The following PRKG1 variants were observed in gnomAD, a reference collection of about 807,000 sequenced individuals.
PRKG1 encodes cGMP-dependent protein kinase 1.
In PRKG1, 35 loss-of-function variants were observed where a neutral mutation model predicts 88.1. The observed-to-expected ratio is 0.40, with a 90% CI of 0.30 to 0.53. PRKG1 has a LOEUF of 0.53. Ranked by LOEUF, PRKG1 falls within the 20% of genes least tolerant of loss-of-function variation. PRKG1 has a pLI of 0.59. For missense variants in PRKG1, 540 were observed against 839.8 expected, an observed-to-expected ratio of 0.64 and a Z score of 4.41; for synonymous variants, 303 against 292.5, an observed-to-expected ratio of 1.04 and a Z score of -0.37.
At chr10:51,274,619 A>G (rs1840066754) in intron 2 of PRKG1, among the ~76,000 whole-genome samples, 1 of 152,190 alleles carries the variant, frequency 6.6e-6, no homozygotes, top group Non-Finnish European at 1.5e-5. Context: ...ATAGAAAGTT[A>G]TTGATCGATC....
At chr10:51,680,383 T>C (rs1033502633) in intron 3 of PRKG1, among the ~76,000 whole-genome samples, 2 of 152,268 alleles carry the variant, frequency 1.3e-5, no homozygotes, top group African/African-American at 4.8e-5. Context: ...GGTGCTTTCT[T>C]GCTTTAATAA....
chr10:52,229,510 C>G (rs538641469), intron 9 of PRKG1, among the ~76,000 whole-genome samples: 1 of 152,282 alleles, frequency 6.6e-6, no homozygotes, highest in Admixed American at 6.5e-5. Context: ...GGTCTATCTA[C>G]AGGATGGAGT....
chr10:52,210,246 T>G (rs979100868), intron 9 of PRKG1, among the ~76,000 whole-genome samples: 1 of 151,978 alleles, frequency 6.6e-6, no homozygotes, highest in Non-Finnish European at 1.5e-5. Context: ...CTCTTAGGTC[T>G]TGCAGAAGCT....
At chr10:51,556,876 A>G (rs1837326111) in intron 3 of PRKG1, among the ~76,000 whole-genome samples, 1 of 152,046 alleles carries the variant, frequency 6.6e-6, no homozygotes, top group Non-Finnish European at 1.5e-5. Flanking sequence ...ATCTATAATA[A>G]ATGTTGAAAT....
At chr10:52,016,173 A>G (rs1845034963) in intron 5 of PRKG1, among the ~76,000 whole-genome samples, 1 of 152,218 alleles carries the variant, frequency 6.6e-6, no homozygotes, top group African/African-American at 2.4e-5. Context: ...TCACATTGCT[A>G]TAAGGATACT....
Position 51,926,675 on chromosome 10 carries a change from G to C in PRKG1, c.762+19105G>C, listed in dbSNP as rs184365643. ...AAAGCATGAGGAAAGCATTCCTCCTGTCCTGCCTGCTTGTAGACATATCAG... is the reference window on the plus strand; with the variant it reads ...AAAGCATGAGGAAAGCATTCCTCCTCTCCTGCCTGCTTGTAGACATATCAG... On this transcript the variant is annotated intron_variant, in intron 5 of 17. Coordinates refer to ENST00000373980, the MANE Select transcript of PRKG1 (RefSeq NM_006258.4). 2.1e-3 allele frequency among the ~76,000 whole-genome samples: 316 copies of C among 151,404 alleles called. 3 individuals carry two copies. Among genetic ancestry groups the C allele is most frequent in the Non-Finnish European group, 5.2e-4 (35 of 67,946 alleles).
chr10:52,271,475 C>T lies in PRKG1; in HGVS notation c.1299C>T (p.Ser433=), dbSNP rs145035655. The T allele has an allele frequency of 2.3e-4, 367 of 1,612,354 alleles. No homozygotes were observed. In the African/African-American group the frequency reaches 4.4e-3, roughly 19 times the overall value. ...SEKQIMQGAH[S]DFIVRLYRTF... is the part of the protein sequence containing the mutation. ...AGCAGATCATGCAGGGGGCTCATTC[C>T]GATTTCATAGTGAGGTAAAGGCTCC... Residue 433 remains serine, a synonymous_variant, in exon 11 of 18, where the codon TCC becomes TCT. Coordinates refer to ENST00000373980, the MANE Select transcript of PRKG1 (RefSeq NM_006258.4).
At chr10:52,114,979 A>G (rs1011623500) in intron 7 of PRKG1, among the ~76,000 whole-genome samples, 4 of 152,104 alleles carry the variant, frequency 2.6e-5, no homozygotes, top group Non-Finnish European at 5.9e-5. Context: ...ATATCTGTCC[A>G]TTACTGTCAC....
intron 5 of PRKG1, among the ~76,000 whole-genome samples, chr10:52,030,152 T>C (rs531380684): frequency 5.3e-5 from 8 of 152,312 alleles, no homozygotes; most frequent in African/African-American, 1.7e-4. Flanking sequence ...AAGTCTCAAG[T>C]CCTACCATTT....
At chr10:51,459,946 T>C (rs1488987050) in intron 2 of PRKG1, among the ~76,000 whole-genome samples, 1 of 152,186 alleles carries the variant, frequency 6.6e-6, no homozygotes, top group Non-Finnish European at 1.5e-5. Flanking sequence ...GAAGTTAATA[T>C]GATAAATAGT....
At chr10:52,037,147 A>G (rs1418476793) in intron 5 of PRKG1, among the ~76,000 whole-genome samples, 1 of 152,206 alleles carries the variant, frequency 6.6e-6, no homozygotes, top group Non-Finnish European at 1.5e-5. Flanking sequence ...GTGGGGTCCC[A>G]CACAGATGGG....
At chr10:51,516,985 TTCTC>T (rs1047877647) in intron 3 of PRKG1, among the ~76,000 whole-genome samples, 5 of 152,170 alleles carry the variant, frequency 3.3e-5, no homozygotes, top group Admixed American at 2.6e-4. Context: ...ATCACAAAAA[TTCTC>T]TCTGAGGAGA....
intron 3 of PRKG1, among the ~76,000 whole-genome samples, chr10:51,715,869 T>G (rs539169899): frequency 6.6e-6 from 1 of 152,346 alleles, no homozygotes; most frequent in South Asian, 2.1e-4. Context: ...TTTTTATATG[T>G]GATTGTGTGA....
intron 2 of PRKG1, among the ~76,000 whole-genome samples, chr10:51,272,028 C>T (rs1471796977): frequency 2.0e-5 from 3 of 152,170 alleles, no homozygotes; most frequent in East Asian, 1.9e-4. Context: ...ATTTACACTC[C>T]CACGAACAGT....
At chr10:51,428,043 AG>A (rs1838642155) in intron 2 of PRKG1, among the ~76,000 whole-genome samples, 1 of 152,210 alleles carries the variant, frequency 6.6e-6, no homozygotes, top group Non-Finnish European at 1.5e-5. Flanking sequence ...AGAGAAGCTA[AG>A]GGCACATGGC....
intron 9 of PRKG1, chr10:52,242,218 TC>T (rs1840882696): frequency 6.6e-6 from 1 of 152,116 alleles, no homozygotes; most frequent in Admixed American, 6.5e-5. Flanking sequence ...GCCATAATAG[TC>T]ACCAACTCTG....
At chr10:51,756,551 C>T (rs368846209) in intron 3 of PRKG1, among the ~76,000 whole-genome samples, 1 of 150,644 alleles carries the variant, frequency 6.6e-6, no homozygotes, top group Non-Finnish European at 1.5e-5. Context: ...CACGGTGGCT[C>T]ATGCCTGTAA....
At chr10:52,120,736 C>T (rs570037830) in intron 7 of PRKG1, among the ~76,000 whole-genome samples, 12 of 152,278 alleles carry the variant, frequency 7.9e-5, no homozygotes, top group Admixed American at 6.5e-4. Flanking sequence ...GCCCCTGTGT[C>T]TTTGCTGGCT....
In PRKG1 at chr10:51,444,044, GA is replaced by G. The variant is rs369111684; in HGVS notation, c.479-23671del. 4.2e-3 allele frequency among the ~76,000 whole-genome samples: 638 copies of G among 150,550 alleles called. 5 individuals carry two copies. Among genetic ancestry groups the G allele is most frequent in the African/African-American group, 0.014 (574 of 41,100 alleles). ...AGGTGAACACAAAGTGTCTTTAGGG[GA>G]AAAAAAATGCTTTCTTACATAAAGA... On this transcript the variant is annotated intron_variant, in intron 2 of 17. Coordinates refer to ENST00000373980, the MANE Select transcript of PRKG1 (RefSeq NM_006258.4).
Sources: gnomAD v4.1 joint callset for allele counts (sites outside exome capture counted in the v4.1 genomes callset) on GRCh38, gnomAD v4.1.1 for gene constraint, MANE v1.5 for transcripts, NCBI Gene and HGNC (gene_info 2026-07-23, HGNC 2026-07-21) for gene names.